The following SP140 variants were observed in gnomAD, a reference collection of about 807,000 sequenced individuals.
The protein encoded by SP140 is SP140 nuclear body protein.
In SP140, 81 loss-of-function variants were observed where a neutral mutation model predicts 125.0. The observed-to-expected ratio is 0.65, with a 90% CI of 0.54 to 0.78. SP140 has a LOEUF of 0.78. Among genes scored for constraint, SP140 ranks in the 30% least tolerant of loss-of-function variants. The pLI is 0.00. For synonymous variants in SP140, 312 were observed against 354.0 expected, an observed-to-expected ratio of 0.88 and a Z score of 1.33; for missense variants, 858 against 1,037.0, an observed-to-expected ratio of 0.83 and a Z score of 2.37.
At chr2:230,227,904 A>AT (rs893276183) in intron 1 of SP140, among the ~76,000 whole-genome samples, 1 of 152,000 alleles carries the variant, frequency 6.6e-6, no homozygotes, top group African/African-American at 2.4e-5. Flanking sequence ...TCCTGTTTCA[A>AT]TTTTTTTAAC....
chr2:230,307,026 G>A (rs1330724542), intron 22 of SP140, among the ~76,000 whole-genome samples: 1 of 152,172 alleles, frequency 6.6e-6, no homozygotes, highest in African/African-American at 2.4e-5. Flanking sequence ...CCTCCCCTCT[G>A]AAGCCCATAA....
downstream of SP140, among the ~76,000 whole-genome samples, chr2:230,314,244 A>G (rs2059465368): frequency 6.6e-6 from 1 of 152,182 alleles, no homozygotes; most frequent in South Asian, 2.1e-4. Flanking sequence ...TGGAAGAATG[A>G]GCTACCACCC....
intron 3 of SP140, chr2:230,238,877 CT>C: frequency 1.3e-6 from 2 of 1,551,884 alleles, no homozygotes; most frequent in Non-Finnish European, 1.7e-6. Context: ...CATGTGAAAG[CT>C]ATGAAGACAG....
upstream of SP140, among the ~76,000 whole-genome samples, chr2:230,223,550 C>A (rs2045989956): frequency 6.6e-6 from 1 of 152,160 alleles, no homozygotes; most frequent in African/African-American, 2.4e-5. Context: ...CTTTTACTCC[C>A]AAATCCTGAC....
At position 230,211,345 on chromosome 2, in the gene SP140, G is replaced by A. The variant is rs1383427358; in HGVS notation, c.-322-2309G>A. 1 of 740,912 alleles carries A rather than the reference G, an allele frequency of 1.3e-6. No homozygotes were observed. Among genetic ancestry groups the A allele is most frequent in the Non-Finnish European group, 2.5e-6 (1 of 407,628 alleles). 45.9% of individuals were successfully genotyped at this position (740,912 alleles called of 1,614,324 possible). On this transcript the variant is annotated intron_variant, in intron 1 of 4. Coordinates refer to the SP140 transcript ENST00000456542. The surrounding 1 kb of genome is among the most constrained non-coding windows in gnomAD (Gnocchi z 4.2). Reference sequence around the variant, plus strand: ...CAAGCTCCCAAGTGCTGGGTGAACTGGAAGCTGGGCCAAGATTGCTGAGAG... The same window carrying A: ...CAAGCTCCCAAGTGCTGGGTGAACTAGAAGCTGGGCCAAGATTGCTGAGAG...
rs937576340 is a variant in SP140, at chr2:230,225,758, C to T, written c.-87C>T. 4.8e-5 allele frequency: 53 copies of T among 1,109,100 alleles called. No homozygotes were observed. The highest frequency in any genetic ancestry group is 3.0e-4 in the South Asian group (24 of 80,794). The allele number at this position is 1,109,100 out of a possible 1,614,324, so 68.7% of individuals were successfully genotyped here. A position where few individuals can be genotyped will look rare whatever the true frequency, so the allele number is the denominator to read the frequency against. ...TTTCTTTTCCTCTTTGACTGAGCAC[C>T]GAGGGGCAGTTGGCAGCTTCACCTC... On this transcript the variant is annotated 5_prime_UTR_variant, in exon 1 of 27. Transcript: ENST00000392045.
chr2:230,312,783 A>G lies in SP140; in HGVS notation c.*99A>G, dbSNP rs2059429237. 1.1e-5 allele frequency: 9 copies of G among 827,628 alleles called. No homozygotes were observed. Among genetic ancestry groups the G allele is most frequent in the Non-Finnish European group, 1.6e-5 (8 of 493,684 alleles). 51.3% of individuals were successfully genotyped at this position (827,628 alleles called of 1,614,324 possible). A position where few individuals can be genotyped will look rare whatever the true frequency, so the allele number is the denominator to read the frequency against. ...AAATGAGGTCACTTGGGCACAGCACATGCAGGGAGGGGCTTTTCTCTGAGC... is the reference window on the plus strand; with the variant it reads ...AAATGAGGTCACTTGGGCACAGCACGTGCAGGGAGGGGCTTTTCTCTGAGC... On this transcript the variant is annotated 3_prime_UTR_variant, in exon 27 of 27. Transcript: ENST00000392045.
intron 1 of SP140, chr2:230,212,856 G>A (rs2044647444): frequency 6.2e-7 from 1 of 1,614,026 alleles, no homozygotes; most frequent in African/African-American, 1.3e-5. Context: ...GCTTTGCTGG[G>A]AGGATGTTCC....
At chr2:230,202,969 A>G (rs1158632216), upstream of SP140, 1 of 548,634 alleles carries the variant, frequency 1.8e-6, no homozygotes, top group Non-Finnish European at 3.3e-6. Context: ...GTTGCAATCA[A>G]CTAGATAAAG....
upstream of SP140, among the ~76,000 whole-genome samples, chr2:230,222,986 A>G (rs2045945462): frequency 1.3e-5 from 2 of 150,570 alleles, no homozygotes; most frequent in Non-Finnish European, 3.0e-5. Context: ...TATGCTAGCC[A>G]CCAAGATCCT....
Position 230,312,765 on chromosome 2 carries a change from G to C in SP140, c.*81G>C, listed in dbSNP as rs753756074. ...GGTTTGCCACTGACTTCAAAATGAGGTCACTTGGGCACAGCACATGCAGGG... is the reference window on the plus strand; with the variant it reads ...GGTTTGCCACTGACTTCAAAATGAGCTCACTTGGGCACAGCACATGCAGGG... On this transcript the variant is annotated 3_prime_UTR_variant, in exon 27 of 27. Transcript: ENST00000392045. The C allele has an allele frequency of 1.9e-5, 20 of 1,026,956 alleles. No homozygotes were observed. Among genetic ancestry groups the C allele is most frequent in the Non-Finnish European group, 2.9e-5 (19 of 655,786 alleles). The allele number at this position is 1,026,956 out of a possible 1,614,324, so 63.6% of individuals were successfully genotyped here.
chr2:230,214,544 C>T (rs568411516), intron 3 of SP140, among the ~76,000 whole-genome samples: 3 of 152,266 alleles, frequency 2.0e-5, no homozygotes, highest in Admixed American at 2.0e-4. Flanking sequence ...AAAGTGTTTG[C>T]GATAAGGCAC....
intron 3 of SP140, chr2:230,239,090 C>T (rs2048364591): frequency 2.2e-6 from 3 of 1,345,028 alleles, no homozygotes; most frequent in Non-Finnish European, 2.9e-6. Context: ...TAAAAGAAGT[C>T]AGTATGAAGA....
intron 15 of SP140, among the ~76,000 whole-genome samples, chr2:230,283,153 G>C (rs1206440321): frequency 6.6e-6 from 1 of 152,198 alleles, no homozygotes; most frequent in Non-Finnish European, 1.5e-5. Context: ...AGCATTCTCA[G>C]AGGCGGGAGC....
upstream of SP140, chr2:230,202,633 C>G: frequency 6.2e-7 from 1 of 1,613,930 alleles, no homozygotes; most frequent in Non-Finnish European, 8.5e-7. Flanking sequence ...GCCCTTGTCT[C>G]TACCGTGGAG....
chr2:230,302,319 A>C (rs984991156), intron 22 of SP140, among the ~76,000 whole-genome samples: 1 of 152,182 alleles, frequency 6.6e-6, no homozygotes, highest in Non-Finnish European at 1.5e-5. Flanking sequence ...GCATGAACCC[A>C]GGAGGCAGAG....
chr2:230,307,956 T>TAC (rs2058929214), intron 22 of SP140, among the ~76,000 whole-genome samples: 1 of 28,600 alleles, frequency 3.5e-5, no homozygotes, highest in African/African-American at 1.2e-4. Context: ...GACATGCATG[T>TAC]ATATATATAT....
intron 22 of SP140, among the ~76,000 whole-genome samples, chr2:230,300,238 C>T (rs961827676): frequency 4.6e-5 from 7 of 152,196 alleles, no homozygotes; most frequent in Non-Finnish European, 7.4e-5. Flanking sequence ...CACCTTGCTC[C>T]AGGAAGGAGA....
chr2:230,238,851 C>A (rs2048333024), intron 3 of SP140: 1 of 1,553,620 alleles, frequency 6.4e-7, no homozygotes, highest in Non-Finnish European at 8.7e-7. Flanking sequence ...CATACTGGTA[C>A]ACTGAGGAGG....
Sources: gnomAD v4.1 joint callset for allele counts (sites outside exome capture counted in the v4.1 genomes callset) on GRCh38, gnomAD v4.1.1 for gene constraint, Gnocchi (gnomAD v3.1) non-coding constraint, MANE v1.5 for transcripts, NCBI Gene and HGNC (gene_info 2026-07-23, HGNC 2026-07-21) for gene names.